Variants in TXNRD2 observed in about 807,000 individuals in gnomAD.
TXNRD2 encodes thioredoxin reductase 2, mitochondrial.
TXNRD2 carries 67 observed loss-of-function variants against 70.8 expected under a neutral mutation model. The observed-to-expected ratio is 0.95, with a 90% confidence interval of 0.78 to 1.16. The LOEUF (loss-of-function observed/expected upper bound fraction) is 1.16. Among genes scored for constraint, TXNRD2 ranks in the 50% most tolerant of loss-of-function variants. TXNRD2 has a pLI of 0.00. For missense variants in TXNRD2, 644 were observed against 719.9 expected, an observed-to-expected ratio of 0.89 and a Z score of 1.21; for synonymous variants, 301 against 295.8, an observed-to-expected ratio of 1.02 and a Z score of -0.18.
chr22:19,877,120 T>C lies in TXNRD2; in HGVS notation c.1560A>G (p.Thr520=), dbSNP rs763666305. ...GGGATGGCGCTTACCCTCAGCAGCC[T>C]GTCACCGTGGGGTCCAGGCCTGAGC... is the stretch of plus-strand genomic sequence containing the variant. ...SKRSGLDPTV[T]GCUG The change falls in exon 17 of 18, where the codon ACA becomes ACG. Residue 520 remains threonine, a synonymous_variant. Transcript: ENST00000400521. 1.9e-6 allele frequency: 3 copies of C among 1,600,000 alleles called. No individual in the cohort carries two copies. The highest frequency in any genetic ancestry group is 2.6e-6 in the Non-Finnish European group (3 of 1,169,216).
chr22:19,903,876 C>T (rs976208708), intron 8 of TXNRD2, among the ~76,000 whole-genome samples: 1 of 152,244 alleles, frequency 6.6e-6, no homozygotes, highest in African/African-American at 2.4e-5. Context: ...CCCCTCCGCA[C>T]CCCTGCCTCC....
intron 2 of TXNRD2, among the ~76,000 whole-genome samples, chr22:19,928,996 A>T (rs1443788066): frequency 8.3e-5 from 7 of 83,908 alleles, no homozygotes; most frequent in African/African-American, 3.3e-4. Context: ...ACAAAGCAAG[A>T]CTCGCTTGCA....
rs779740988 is a variant in TXNRD2 at position 19,919,558 on chromosome 22, C to T, written c.214G>A (p.Glu72Lys). ...GRKVAVVDYV[E>K]PSPQGTRWGL... ...TGCTGCCTACCTTGGGGAGAAGGTT[C>T]CACGTAGTCCACCACGGCCACCTTC... Residue 72 changes from glutamate (E) to lysine (K), a missense_variant, in exon 3 of 18, where the codon GAA becomes AAA. Transcript: ENST00000400521. 1.6e-5 allele frequency: 25 copies of T among 1,562,430 alleles called. No individual in the cohort carries two copies. Among genetic ancestry groups the T allele is most frequent in the African/African-American group, 6.8e-5 (5 of 73,460 alleles).
chr22:19,902,089 C>G (rs188162232), intron 8 of TXNRD2, among the ~76,000 whole-genome samples: 1 of 152,068 alleles, frequency 6.6e-6, no homozygotes, highest in Non-Finnish European at 1.5e-5. Context: ...CCCGGCTACT[C>G]GGGAGGCTGA....
intron 14 of TXNRD2, among the ~76,000 whole-genome samples, chr22:19,878,952 G>A (rs1938631869): frequency 6.6e-6 from 1 of 152,208 alleles, no homozygotes; most frequent in Admixed American, 6.5e-5. Flanking sequence ...GTCCGGGGCT[G>A]CGGCCAAGTA....
chr22:19,883,241 A>G (rs1320218700), intron 12 of TXNRD2, 84 bp downstream of exon 12: 1 of 1,541,202 alleles, frequency 6.5e-7, no homozygotes, highest in Non-Finnish European at 8.9e-7. Context: ...TCTCTCCTAC[A>G]GGACGGCAGC....
At chr22:19,882,920 G>A (rs1382032396) in intron 12 of TXNRD2, among the ~76,000 whole-genome samples, 2 of 152,270 alleles carry the variant, frequency 1.3e-5, no homozygotes, top group Non-Finnish European at 2.9e-5. Context: ...GGGGCCAGGT[G>A]GGCCCGAACT....
chr22:19,919,432 C>G, intron 3 of TXNRD2, 111 bp downstream of exon 3: 1 of 968,654 alleles, frequency 1.0e-6, no homozygotes, highest in Non-Finnish European at 1.6e-6. Context: ...GTCCAGAAAC[C>G]ATGGACAGCA....
intron 12 of TXNRD2, chr22:19,881,132 T>C (rs1277432662): frequency 6.6e-6 from 3 of 453,980 alleles, no homozygotes; most frequent in Non-Finnish European, 1.2e-5. Context: ...AAGCGTTCCA[T>C]GTGCTCCTGA....
intron 8 of TXNRD2, among the ~76,000 whole-genome samples, chr22:19,905,801 G>A (rs1939983569): frequency 6.6e-6 from 1 of 151,932 alleles, no homozygotes; most frequent in Admixed American, 6.6e-5. Context: ...GCCTCGAGAT[G>A]GGCACTGGGG....
chr22:19,885,122 C>G (rs35934224), intron 11 of TXNRD2, among the ~76,000 whole-genome samples: 7 of 152,056 alleles, frequency 4.6e-5, no homozygotes, highest in Non-Finnish European at 8.8e-5. Context: ...TCTTCATAGC[C>G]GAACAGCCAG....
intron 1 of TXNRD2, among the ~76,000 whole-genome samples, chr22:19,932,751 C>G (rs1941413821): frequency 2.6e-5 from 4 of 152,314 alleles, no homozygotes; most frequent in Admixed American, 1.3e-4. Flanking sequence ...GCATCTGGAG[C>G]CGGTCGCTGC....
At chr22:19,888,491 G>A (rs765905724) in intron 11 of TXNRD2, among the ~76,000 whole-genome samples, 124 of 152,346 alleles carry the variant, frequency 8.1e-4, no homozygotes, top group Middle Eastern at 3.4e-3. Context: ...CTGATTTCAC[G>A]CCCGCCTGGG....
intron 1 of TXNRD2, among the ~76,000 whole-genome samples, chr22:19,932,989 A>G (rs891170728): frequency 6.6e-6 from 1 of 152,196 alleles, no homozygotes. Context: ...GGTCTAGAAC[A>G]TGCACTCCTA....
At chr22:19,938,316 C>T (rs1171560987) in intron 1 of TXNRD2, 3 of 152,174 alleles carry the variant, frequency 2.0e-5, no homozygotes, top group East Asian at 1.9e-4. Flanking sequence ...GAGTCAATTG[C>T]TCAATTACTT....
rs994880290 is a variant in TXNRD2 at position 19,898,052 on chromosome 22, C to A, written c.761G>T (p.Arg254Leu). The A allele has an allele frequency of 7.7e-6, 12 of 1,558,172 alleles. No individual in the cohort carries two copies. The Middle Eastern group carries it at 5.0e-4, about 65-fold the overall frequency. The change falls in exon 10 of 18, where the codon CGC (arginine) becomes CTC (leucine). Residue 254 changes from arginine (R) to leucine (L), a missense_variant. Coordinates refer to ENST00000400521, the MANE Select transcript of TXNRD2 (RefSeq NM_006440.5). ...TTIMMRSIPLRGFDQQMSSMV... is the reference protein window; with the variant it reads ...TTIMMRSIPLLGFDQQMSSMV... The stretch of plus-strand genomic sequence containing the variant: ...CTCCAGCACTACCTGGTCGAAGCCG[C>A]GGAGGGGGATGCTGCGCATCATGAT...
intron 15 of TXNRD2, 41 bp from the exon 16 acceptor site, chr22:19,878,228 T>A (rs1171758356): frequency 1.8e-5 from 29 of 1,605,240 alleles, no homozygotes; most frequent in African/African-American, 2.7e-5. Context: ...AGGAGGGGGC[T>A]GGGTTGCGTC....
intron 1 of TXNRD2, 164 bp downstream of exon 1, chr22:19,941,537 G>A: frequency 8.3e-7 from 1 of 1,211,734 alleles, no homozygotes; most frequent in Non-Finnish European, 1.1e-6. Flanking sequence ...GTGGCTAGAA[G>A]CAGCCCGGAC....
intron 8 of TXNRD2, among the ~76,000 whole-genome samples, chr22:19,900,753 A>G (rs1165295251): frequency 6.6e-6 from 1 of 152,016 alleles, no homozygotes; most frequent in African/African-American, 2.4e-5. Context: ...CCATCACAAA[A>G]AAAAAAAAAA....
Sources: allele counts gnomAD v4.1 joint callset (sites outside exome capture counted in the v4.1 genomes callset), GRCh38; gene constraint gnomAD v4.1.1; transcripts MANE v1.5; gene names NCBI Gene and HGNC (gene_info 2026-07-23, HGNC 2026-07-21).